The following COL6A6 variants were observed in gnomAD, a reference collection of about 807,000 sequenced individuals.
COL6A6 encodes collagen type VI alpha 6 chain.
In COL6A6, 183 loss-of-function variants were observed where a neutral mutation model predicts 208.6. The observed-to-expected ratio is 0.88, with a 90% CI of 0.78 to 0.99. COL6A6 has a LOEUF of 0.99. Ranked by LOEUF, COL6A6 falls within the 50% of genes least tolerant of loss-of-function variation. The pLI is 0.00. For synonymous variants in COL6A6, 973 were observed against 1,011.8 expected (o/e 0.96, Z 0.73); for missense variants, 2,816 against 2,815.2 (o/e 1.00, Z -0.01).
chr3:130,528,461 A>G (rs1358639187), intron 1 of COL6A6, among the ~76,000 whole-genome samples: 1 of 152,212 alleles, frequency 6.6e-6, no homozygotes, highest in Non-Finnish European at 1.5e-5. Context: ...GTTTTTCTAT[A>G]AAGAGTGAGA....
chr3:130,649,461 G>A lies in COL6A6; in HGVS notation c.5632G>A (p.Ala1878Thr). ...TTTCAGCAGCGGTCAGTCCGCGGAT[G>A]CCCACTCCATCACCACGGCTGCCAT... ...TFFSSGQSAD[A>T]HSITTAAMEF... Residue 1878 changes from alanine to threonine, a missense_variant, in exon 33 of 37, where the codon GCC becomes ACC. Ala to Thr is a moderately conservative substitution (Grantham distance 58). Coordinates refer to ENST00000358511, the MANE Select transcript of COL6A6 (RefSeq NM_001102608.3). 6.2e-7 allele frequency: 1 copy of A among 1,611,966 alleles called. No individual in the cohort carries two copies. The highest frequency in any genetic ancestry group is 8.5e-7 in the Non-Finnish European group (1 of 1,179,098).
At chr3:130,545,863 C>A (rs1286132176) in intron 1 of COL6A6, among the ~76,000 whole-genome samples, 1 of 152,110 alleles carries the variant, frequency 6.6e-6, no homozygotes, top group Non-Finnish European at 1.5e-5. Context: ...CCTGTATCTG[C>A]GATCTGGTGT....
intron 8 of COL6A6, among the ~76,000 whole-genome samples, chr3:130,576,010 C>G (rs1457923195): frequency 7.9e-5 from 12 of 152,082 alleles, no homozygotes; most frequent in Non-Finnish European, 1.2e-4. Flanking sequence ...GTTTCTCTGT[C>G]CCCTCCAGGG....
chr3:130,634,767 A>G (rs1188049870), intron 27 of COL6A6, 142 bp downstream of exon 27: 5 of 607,614 alleles, frequency 8.2e-6, no homozygotes, highest in Non-Finnish European at 1.4e-5. Context: ...AAAGAAATAG[A>G]CCAATATTTT....
chr3:130,594,410 C>T (rs566659366), intron 18 of COL6A6, 67 bp downstream of exon 18: 112 of 1,243,866 alleles, frequency 9.0e-5, no homozygotes, highest in East Asian at 2.6e-4. Context: ...TAGGGAGTCT[C>T]GATTTCAAGG....
At chr3:130,621,709 C>A in intron 23 of COL6A6, 112 bp from the exon 24 acceptor site, 1 of 784,634 alleles carries the variant, frequency 1.3e-6, no homozygotes, top group Non-Finnish European at 2.1e-6. Context: ...AGGATCGATA[C>A]AGCCATAACT....
At chr3:130,593,480 G>T (rs546137972) in intron 17 of COL6A6, among the ~76,000 whole-genome samples, 44 of 152,258 alleles carry the variant, frequency 2.9e-4, no homozygotes, top group African/African-American at 1.0e-3. Flanking sequence ...TACTCCATCT[G>T]TCACTTACCC....
chr3:130,563,013 A>G, intron 2 of COL6A6, 55 bp from the exon 3 acceptor site: 1 of 1,283,118 alleles, frequency 7.8e-7, no homozygotes, highest in South Asian at 1.5e-5. Flanking sequence ...GGCATTAAAT[A>G]TGGCAGTAAA....
intron 18 of COL6A6, among the ~76,000 whole-genome samples, chr3:130,595,525 T>G (rs763967526): frequency 6.6e-6 from 1 of 152,198 alleles, no homozygotes; most frequent in Non-Finnish European, 1.5e-5. Flanking sequence ...TTAATTAGTT[T>G]TATGTGTTCT....
chr3:130,591,009 T>C lies in COL6A6; in HGVS notation c.4219-32T>C, dbSNP rs76932225. The C allele has an allele frequency of 3.1e-3, 4,794 of 1,534,448 alleles. 138 individuals are homozygous for C. The East Asian group carries it at 0.077, about 25-fold the overall frequency. On this transcript the variant is annotated intron_variant, in intron 12 of 36. Transcript: ENST00000358511. ...TTACCTCTGATTTTTGGTCCATAGA[T>C]GCAAATGTTTTCTTCCTTTTCTTAT...
intron 36 of COL6A6, among the ~76,000 whole-genome samples, chr3:130,671,221 G>A (rs983568684): frequency 1.2e-4 from 19 of 152,152 alleles, no homozygotes; most frequent in Admixed American, 1.2e-3. Context: ...CTCCACATAT[G>A]TAGCCAGCCA....
At chr3:130,650,735 A>G (rs2065617423) in intron 33 of COL6A6, among the ~76,000 whole-genome samples, 1 of 148,700 alleles carries the variant, frequency 6.7e-6, no homozygotes, top group Admixed American at 6.7e-5. Flanking sequence ...AGCCAGCTGA[A>G]TTCCAAATCT....
At chr3:130,538,026 T>C (rs1237072408) in intron 1 of COL6A6, among the ~76,000 whole-genome samples, 7 of 152,232 alleles carry the variant, frequency 4.6e-5, no homozygotes, top group African/African-American at 1.4e-4. Flanking sequence ...ATCTGGTACA[T>C]TCTAACACAT....
At chr3:130,607,779 C>G (rs2064229079) in intron 21 of COL6A6, among the ~76,000 whole-genome samples, 1 of 152,200 alleles carries the variant, frequency 6.6e-6, no homozygotes, top group Non-Finnish European at 1.5e-5. Flanking sequence ...AAAATAGACA[C>G]TTGTAGACAA....
intron 1 of COL6A6, among the ~76,000 whole-genome samples, chr3:130,529,369 G>A (rs181700063): frequency 3.0e-4 from 46 of 151,850 alleles, no homozygotes; most frequent in Admixed American, 7.2e-4. Context: ...AAATCAGGGT[G>A]GAGTGGAAAT....
At position 130,587,404 on chromosome 3, in the gene COL6A6, G is replaced by A. The variant is rs1450536910; in HGVS notation, c.4125+744G>A. Among the ~76,000 whole-genome samples the A allele has an allele frequency of 3.3e-5, 5 of 152,320 alleles. No individual in the cohort carries two copies. In the East Asian group the frequency reaches 5.8e-4, roughly 18 times the overall value. On this transcript the variant is annotated intron_variant, in intron 11 of 36. Transcript: ENST00000358511. ...AGCCTCCCGAGTAGCTGGGATTACCGGCGCCCGCCACCATGCCCGGCTAAT... is the reference window on the plus strand; with the variant it reads ...AGCCTCCCGAGTAGCTGGGATTACCAGCGCCCGCCACCATGCCCGGCTAAT...
intron 28 of COL6A6, among the ~76,000 whole-genome samples, chr3:130,640,807 T>C (rs139879214): frequency 0.013 from 2,012 of 152,308 alleles, 44 homozygotes; most frequent in African/African-American, 0.043. Context: ...CAAATAATGA[T>C]TGTGTTTCTG....
chr3:130,581,677 A>G lies in COL6A6; in HGVS notation c.3664A>G (p.Ser1222Gly), dbSNP rs745592901. 1 of 1,613,974 alleles carries G rather than the reference A, an allele frequency of 6.2e-7. No individual in the cohort carries two copies. The highest frequency in any genetic ancestry group is 8.5e-7 in the Non-Finnish European group (1 of 1,179,850). ...CCTTCAAGACATCTTACGTGCCATC[A>G]GCTCCCTCAATGGAGTAAGCTGTGA... The part of the protein sequence containing the change: ...TYLQDILRAI[S>G]SLNGVSCEVG... Residue 1222 changes from serine (S) to glycine (G), a missense_variant, in exon 9 of 37, where the codon AGC (serine) becomes GGC (glycine). Ser to Gly is a moderately conservative substitution (Grantham distance 56). Coordinates refer to ENST00000358511, the MANE Select transcript of COL6A6 (RefSeq NM_001102608.3).
chr3:130,617,502 A>G (rs1384693609), intron 23 of COL6A6, among the ~76,000 whole-genome samples: 2 of 152,186 alleles, frequency 1.3e-5, no homozygotes, highest in East Asian at 3.9e-4. Flanking sequence ...TTTGGGAACC[A>G]CAAATGGCTC....
Sources: gnomAD v4.1 joint callset for allele counts (sites outside exome capture counted in the v4.1 genomes callset) on GRCh38, gnomAD v4.1.1 for gene constraint, MANE v1.5 for transcripts, NCBI Gene and HGNC (gene_info 2026-07-23, HGNC 2026-07-21) for gene names.